Variants in KLF12 observed in about 807,000 individuals in gnomAD.
KLF12 encodes the protein KLF transcription factor 12, also known as Krueppel-like factor 12.
KLF12 carries 9 observed loss-of-function variants against 37.8 expected under a neutral mutation model. The ratio of observed to expected loss-of-function variants is 0.24; its 90% CI spans 0.14 to 0.42. The LOEUF is 0.42. Among genes scored for constraint, KLF12 ranks in the 10% least tolerant of loss-of-function variants. The probability of loss-of-function intolerance (pLI) is 1.00; values close to 1 mark genes in which losing one functional copy is unlikely to be tolerated. For synonymous variants in KLF12, 208 were observed against 202.1 expected (o/e 1.03, Z -0.25); for missense variants, 411 against 516.0 (o/e 0.80, Z 1.97).
chr13:73,997,590 A>C (rs1292325160), intron 1 of KLF12, among the ~76,000 whole-genome samples: 1 of 152,220 alleles, frequency 6.6e-6, no homozygotes, highest in African/African-American at 2.4e-5. Context: ...ATGATATAAA[A>C]TAGGAAAATG....
chr13:74,152,859 G>A, the KLF12 span, among the ~76,000 whole-genome samples: 1 of 150,062 alleles, frequency 6.7e-6, no homozygotes, highest in South Asian at 2.1e-4. Context: ...ATTCCAGCCT[G>A]GGTGACAGAG....
chr13:74,062,781 G>T (rs1018905122), intron 1 of KLF12, among the ~76,000 whole-genome samples: 6 of 152,138 alleles, frequency 3.9e-5, no homozygotes, highest in Admixed American at 6.5e-5. Context: ...AAAGAAAAAC[G>T]AAAAAATCCA....
chr13:73,725,180 A>C (rs1004131991), intron 6 of KLF12, among the ~76,000 whole-genome samples: 3 of 152,134 alleles, frequency 2.0e-5, no homozygotes, highest in Admixed American at 6.5e-5. Context: ...AGCTCACTGC[A>C]ACCTCCACCT....
At chr13:73,747,061 C>A (rs1180366593) in intron 6 of KLF12, among the ~76,000 whole-genome samples, 1 of 152,120 alleles carries the variant, frequency 6.6e-6, no homozygotes, top group Non-Finnish European at 1.5e-5. Flanking sequence ...AAGTGATCCA[C>A]CTGCCTCAGC....
At chr13:74,034,595 G>T (rs1036303544) in intron 1 of KLF12, among the ~76,000 whole-genome samples, 3 of 152,098 alleles carry the variant, frequency 2.0e-5, no homozygotes, top group African/African-American at 7.2e-5. Context: ...TTCTAGATTT[G>T]GAGTCACCAT....
At chr13:73,934,566 CCTGA>C (rs1231640809) in intron 3 of KLF12, among the ~76,000 whole-genome samples, 1 of 152,106 alleles carries the variant, frequency 6.6e-6, no homozygotes, top group African/African-American at 2.4e-5. Flanking sequence ...TTTCTTCTTT[CCTGA>C]CTGATTTCAG....
At chr13:74,179,337 A>C in the KLF12 span, among the ~76,000 whole-genome samples, 1 of 152,234 alleles carries the variant, frequency 6.6e-6, no homozygotes, top group Non-Finnish European at 1.5e-5. Context: ...TTCAATATGA[A>C]TGGTTGTGTC....
intron 5 of KLF12, among the ~76,000 whole-genome samples, chr13:73,791,161 T>C (rs767358414): frequency 1.3e-5 from 2 of 152,220 alleles, no homozygotes; most frequent in Non-Finnish European, 2.9e-5. Context: ...CAAAATATGA[T>C]AGAAATTAAA....
At chr13:73,716,326 ACT>A (rs1248309280) in intron 6 of KLF12, among the ~76,000 whole-genome samples, 4 of 152,100 alleles carry the variant, frequency 2.6e-5, no homozygotes, top group Admixed American at 1.3e-4. Context: ...AAATAATATG[ACT>A]CATCTTTTTT....
At chr13:74,267,939 T>C in the KLF12 span, among the ~76,000 whole-genome samples, 1 of 151,644 alleles carries the variant, frequency 6.6e-6, no homozygotes, top group Non-Finnish European at 1.5e-5. Context: ...GAGGCAGAGA[T>C]TGGAGTTACG....
intron 1 of KLF12, among the ~76,000 whole-genome samples, chr13:73,999,640 T>C (rs1892218208): frequency 6.6e-6 from 1 of 151,738 alleles, no homozygotes; most frequent in Admixed American, 6.6e-5. Context: ...CTCTGGAGGC[T>C]GAGGCAGGAG....
chr13:73,793,275 A>T (rs1337977470), intron 5 of KLF12, among the ~76,000 whole-genome samples: 1 of 152,226 alleles, frequency 6.6e-6, no homozygotes, highest in Non-Finnish European at 1.5e-5. Context: ...CCCAAATAAG[A>T]TAATCTGATA....
intron 3 of KLF12, among the ~76,000 whole-genome samples, chr13:73,937,190 A>AG (rs1321282828): frequency 6.7e-6 from 1 of 149,766 alleles, no homozygotes; most frequent in Admixed American, 6.7e-5. Context: ...CTCCGTCTCA[A>AG]AAAAAAATAA....
At chr13:74,234,764 G>A in the KLF12 span, among the ~76,000 whole-genome samples, 6 of 151,194 alleles carry the variant, frequency 4.0e-5, no homozygotes, top group African/African-American at 1.2e-4. Flanking sequence ...AAAAAGCTTC[G>A]GAGATCTCTT....
chr13:73,967,457 A>G (rs1425663893), intron 2 of KLF12, among the ~76,000 whole-genome samples: 1 of 152,234 alleles, frequency 6.6e-6, no homozygotes, highest in Non-Finnish European at 1.5e-5. Context: ...TTTAAAAAAG[A>G]AATACCACTC....
chr13:73,991,730 A>G (rs1157312667), intron 2 of KLF12, among the ~76,000 whole-genome samples: 1 of 152,244 alleles, frequency 6.6e-6, no homozygotes, highest in East Asian at 1.9e-4. Context: ...ATACACTTAC[A>G]GCAGCCAATG....
intron 2 of KLF12, among the ~76,000 whole-genome samples, chr13:73,980,215 G>A (rs903417967): frequency 6.6e-6 from 1 of 151,902 alleles, no homozygotes; most frequent in East Asian, 1.9e-4. Flanking sequence ...CTGAAAACCT[G>A]GTCTTATTAC....
chr13:74,180,767 A>T, the KLF12 span, among the ~76,000 whole-genome samples: 1 of 152,182 alleles, frequency 6.6e-6, no homozygotes, highest in South Asian at 2.1e-4. Flanking sequence ...AATAAATTAT[A>T]AATATAAAAA....
chr13:73,927,338 T>C (rs537240121), intron 3 of KLF12, among the ~76,000 whole-genome samples: 5 of 152,300 alleles, frequency 3.3e-5, no homozygotes, highest in African/African-American at 4.8e-5. Context: ...ACAGTTTTCT[T>C]GTACAAAGCA....
Sources: gnomAD v4.1 joint callset for allele counts (sites outside exome capture counted in the v4.1 genomes callset) on GRCh38, gnomAD v4.1.1 for gene constraint, MANE v1.5 for transcripts, NCBI Gene and HGNC (gene_info 2026-07-23, HGNC 2026-07-21) for gene names.